The following MYBPC1 variants were observed in gnomAD, a reference collection of about 807,000 sequenced individuals.
MYBPC1 encodes myosin-binding protein C, slow-type.
MYBPC1 carries 52 observed loss-of-function variants against 147.1 expected under a neutral mutation model. The ratio of observed to expected loss-of-function variants is 0.35; its 90% CI spans 0.28 to 0.45. The LOEUF (loss-of-function observed/expected upper bound fraction) is 0.45, where lower values mean the gene tolerates loss of function less well. MYBPC1 is among the 20% of genes least tolerant of loss of function. MYBPC1 has a pLI of 1.00. For missense variants in MYBPC1, 1,228 were observed against 1,440.3 expected (o/e 0.85, Z 2.39); for synonymous variants, 477 against 475.9 (o/e 1.00, Z -0.03).
intron 1 of MYBPC1, among the ~76,000 whole-genome samples, chr12:101,599,306 T>TTTG (rs151191623): frequency 2.3e-4 from 35 of 152,100 alleles, no homozygotes; most frequent in South Asian, 8.3e-4. Context: ...AGAGAACAGT[T>TTTG]TTGTTGTTGT....
In MYBPC1 at chr12:101,673,632, G is replaced by C. The variant is rs1273470185; in HGVS notation, c.2809+10G>C. On this transcript the variant is annotated intron_variant, in intron 25 of 31. Coordinates refer to ENST00000361466, the MANE Select transcript of MYBPC1 (RefSeq NM_002465.4). ...GACATCCAGATCATTGGTAGGTTTA[G>C]ATGAAGGAGCCAGAAAGTTCTGTCA... The C allele has an allele frequency of 6.2e-7, 1 of 1,614,144 alleles. No individual in the cohort carries two copies. Among genetic ancestry groups the C allele is most frequent in the Admixed American group, 1.7e-5 (1 of 60,024 alleles).
At chr12:101,679,677 G>A in intron 28 of MYBPC1, among the ~76,000 whole-genome samples, 1 of 152,184 alleles carries the variant, frequency 6.6e-6, no homozygotes, top group Admixed American at 6.5e-5. Context: ...GCCATGGGAT[G>A]ATGAATATAG....
At chr12:101,663,741 A>C (rs1458467283) in intron 22 of MYBPC1, among the ~76,000 whole-genome samples, 181 bp downstream of exon 22, 1 of 152,242 alleles carries the variant, frequency 6.6e-6, no homozygotes, top group Non-Finnish European at 1.5e-5. Context: ...GGTGCTTATA[A>C]ATTGATATCT....
intron 2 of MYBPC1, chr12:101,614,885 T>G: frequency 2.9e-6 from 1 of 348,014 alleles, no homozygotes; most frequent in Non-Finnish European, 5.4e-6. Flanking sequence ...ATAGTGAAGG[T>G]CAAACAAACC....
At chr12:101,633,976 G>A (rs1424540046) in intron 8 of MYBPC1, among the ~76,000 whole-genome samples, 4 of 150,568 alleles carry the variant, frequency 2.7e-5, no homozygotes, top group African/African-American at 9.8e-5. Flanking sequence ...GGCTCACTGC[G>A]AGCTCCGCCT....
At chr12:101,608,537 C>T (rs1424888979) in intron 1 of MYBPC1, among the ~76,000 whole-genome samples, 4 of 152,174 alleles carry the variant, frequency 2.6e-5, no homozygotes, top group Admixed American at 6.5e-5. Context: ...CAATAAATAT[C>T]GGTTTGCTTG....
intron 10 of MYBPC1, 193 bp downstream of exon 10, chr12:101,636,921 A>C (rs1593815738): frequency 1.8e-6 from 1 of 571,102 alleles, no homozygotes; most frequent in African/African-American, 1.9e-5. Context: ...AGCCTTTAAC[A>C]GTTGCTTTTA....
At chr12:101,681,091 T>G (rs1285801119) in intron 29 of MYBPC1, among the ~76,000 whole-genome samples, 1 of 152,194 alleles carries the variant, frequency 6.6e-6, no homozygotes, top group East Asian at 1.9e-4. Context: ...GAACTTCCAT[T>G]TATAGGTATA....
intron 1 of MYBPC1, among the ~76,000 whole-genome samples, chr12:101,614,294 C>A (rs1281207027): frequency 3.1e-4 from 47 of 151,754 alleles, no homozygotes; most frequent in Non-Finnish European, 8.8e-5. Context: ...TGTCTTGGGC[C>A]TCTTGATGCA....
At chr12:101,678,323 AGCTGCTACTT>A (rs1900486881) in intron 28 of MYBPC1, 85 bp downstream of exon 28, 1 of 1,562,846 alleles carries the variant, frequency 6.4e-7, no homozygotes, top group African/African-American at 1.4e-5. Flanking sequence ...AAACAAATCC[AGCTGCTACTT>A]GTGTCTTCCC....
the MYBPC1 span, among the ~76,000 whole-genome samples, chr12:101,694,927 C>T: frequency 6.6e-6 from 1 of 152,138 alleles, no homozygotes; most frequent in African/African-American, 2.4e-5. Context: ...AAGTTATTTA[C>T]AGCTTTTAGT....
intron 30 of MYBPC1, 72 bp downstream of exon 30, chr12:101,682,734 C>A: frequency 7.3e-7 from 1 of 1,369,470 alleles, no homozygotes; most frequent in South Asian, 1.2e-5. Flanking sequence ...ATGCACCTTG[C>A]ATGTAAAGCT....
At chr12:101,634,080 T>C (rs535439408) in intron 8 of MYBPC1, among the ~76,000 whole-genome samples, 2 of 152,116 alleles carry the variant, frequency 1.3e-5, no homozygotes, top group East Asian at 3.9e-4. Context: ...TCTTGTATTT[T>C]TAGTAGAGAC....
chr12:101,658,843 C>T (rs1302452559), intron 18 of MYBPC1, among the ~76,000 whole-genome samples: 1 of 152,064 alleles, frequency 6.6e-6, no homozygotes, highest in Non-Finnish European at 1.5e-5. Flanking sequence ...ACTTATGAGT[C>T]CTGATACAGA....
intron 6 of MYBPC1, 117 bp from the exon 7 acceptor site, chr12:101,631,454 C>T (rs932951328): frequency 5.3e-5 from 63 of 1,184,774 alleles, no homozygotes; most frequent in Middle Eastern, 1.9e-4. Flanking sequence ...TTCACAATTC[C>T]GAGGGCACCA....
Position 101,634,730 on chromosome 12 carries a change from C to G in MYBPC1, c.608+125C>G, listed in dbSNP as rs1267578112. 4.8e-5 allele frequency: 38 copies of G among 791,506 alleles called. No individual in the cohort carries two copies. The Middle Eastern group carries it at 9.7e-4, about 20-fold the overall frequency. The allele number at this position is 791,506 out of a possible 1,614,324, so 49.0% of individuals were successfully genotyped here. A position where few individuals can be genotyped will look rare whatever the true frequency, so the allele number is the denominator to read the frequency against. On this transcript the variant is annotated intron_variant, in intron 9 of 31. Coordinates refer to ENST00000361466, the MANE Select transcript of MYBPC1 (RefSeq NM_002465.4). ...AACAACACTTTTCACCGCAAAAACA[C>G]CATATATTTAAACATTGGTGTTCTA...
At chr12:101,658,293 A>G (rs1179924176) in intron 18 of MYBPC1, among the ~76,000 whole-genome samples, 1 of 152,176 alleles carries the variant, frequency 6.6e-6, no homozygotes, top group Non-Finnish European at 1.5e-5. Flanking sequence ...GAAAAGTAAC[A>G]TGATTATATC....
At chr12:101,695,456 T>C in the MYBPC1 span, among the ~76,000 whole-genome samples, 1 of 152,212 alleles carries the variant, frequency 6.6e-6, no homozygotes, top group African/African-American at 2.4e-5. Flanking sequence ...TTCTATTTAA[T>C]ATTTTTGGAC....
chr12:101,649,665 G>A (rs1309198976), intron 15 of MYBPC1, among the ~76,000 whole-genome samples: 1 of 152,132 alleles, frequency 6.6e-6, no homozygotes, highest in Non-Finnish European at 1.5e-5. Flanking sequence ...TCACCTGCCA[G>A]AAGAGTTATA....
Sources: gnomAD v4.1 joint callset for allele counts (sites outside exome capture counted in the v4.1 genomes callset) on GRCh38, gnomAD v4.1.1 for gene constraint, MANE v1.5 for transcripts, NCBI Gene and HGNC (gene_info 2026-07-23, HGNC 2026-07-21) for gene names.